Variants in GATA4 observed in about 807,000 individuals in gnomAD.
GATA4 encodes GATA binding protein 4, also known as transcription factor GATA-4.
Under a neutral mutation model 37.9 loss-of-function variants are expected in GATA4, and 7 were observed. The observed-to-expected ratio is 0.18, with a 90% CI of 0.11 to 0.35. The LOEUF is 0.35. Among genes scored for constraint, GATA4 ranks in the 10% least tolerant of loss-of-function variants. The pLI is 1.00. For missense variants in GATA4, 647 were observed against 653.0 expected, an observed-to-expected ratio of 0.99 and a Z score of 0.10; for synonymous variants, 372 against 292.6, an observed-to-expected ratio of 1.27 and a Z score of -2.77.
intron 2 of GATA4, among the ~76,000 whole-genome samples, chr8:11,741,875 T>A (rs1473322199): frequency 6.6e-6 from 1 of 152,258 alleles, no homozygotes; most frequent in Non-Finnish European, 1.5e-5. Flanking sequence ...ATTTTCCATC[T>A]GCTGCCAGCT....
chr8:11,702,754 G>T (rs1329549317), upstream of GATA4, among the ~76,000 whole-genome samples: 7 of 152,260 alleles, frequency 4.6e-5, no homozygotes, highest in African/African-American at 1.7e-4. This position sits in a 1 kb window ranked among gnomAD's most constrained non-coding sequence, Gnocchi z 4.4. Context: ...GTCTAGAGGG[G>T]CGGCTGCCGT....
intron 2 of GATA4, among the ~76,000 whole-genome samples, chr8:11,747,971 C>G (rs1010237526): frequency 8.2e-4 from 125 of 152,264 alleles, no homozygotes; most frequent in African/African-American, 3.0e-3. Context: ...GTGTGGTGTA[C>G]TCACCCAGTA....
At chr8:11,739,434 C>T (rs1421712834) in intron 2 of GATA4, among the ~76,000 whole-genome samples, 1 of 147,298 alleles carries the variant, frequency 6.8e-6, no homozygotes, top group South Asian at 2.5e-4. Flanking sequence ...TTATTGCTAG[C>T]AAGAGTGGGC....
rs1264453612 is a variant in GATA4, at chr8:11,709,202, C to A, written c.616+274C>A. Among the ~76,000 whole-genome samples the A allele has an allele frequency of 6.6e-6, 1 of 152,216 alleles. No individual in the cohort carries two copies. The highest frequency in any genetic ancestry group is 2.4e-5 in the African/African-American group (1 of 41,464). ...AGTGCGGCCTCCCCGCCATCCCAGA[C>A]ATCGACCGTGGCCGCGCTGCGCTGT... On this transcript the variant is annotated intron_variant, in intron 2 of 6. Coordinates refer to ENST00000532059, the MANE Select transcript of GATA4 (RefSeq NM_001308093.3). The surrounding 1 kb of genome is among the most constrained non-coding windows in gnomAD (Gnocchi z 4.3).
intron 2 of GATA4, among the ~76,000 whole-genome samples, chr8:11,743,892 A>G: frequency 6.6e-6 from 1 of 152,344 alleles, no homozygotes; most frequent in Non-Finnish European, 1.5e-5. Flanking sequence ...CTTTAAAAAA[A>G]ACTTTTTTTA....
intron 2 of GATA4, among the ~76,000 whole-genome samples, chr8:11,712,240 C>T (rs1800217988): frequency 6.6e-6 from 1 of 152,166 alleles, no homozygotes; most frequent in Admixed American, 6.5e-5. Flanking sequence ...AGGGTTTTCC[C>T]AGAATGTGGG....
At chr8:11,712,556 AG>A (rs1373300448) in intron 2 of GATA4, among the ~76,000 whole-genome samples, 1 of 152,090 alleles carries the variant, frequency 6.6e-6, no homozygotes, top group Non-Finnish European at 1.5e-5. Context: ...AGGAAAAAAA[AG>A]AAAGACAAAG....
Position 11,708,254 on chromosome 8 carries a change from G to T in GATA4, c.-59G>T. On this transcript the variant is annotated 5_prime_UTR_variant, in exon 2 of 7. Transcript: ENST00000532059. The surrounding 1 kb of genome is among the most constrained non-coding windows in gnomAD (Gnocchi z 6.7). ...TGTTGCCGTCGTTTTCTCTCCCCGC[G>T]TGGCTCCTTGACCTGCGAGGGAGAG... 14 of 1,535,860 alleles carry T rather than the reference G, an allele frequency of 9.1e-6. No individual in the cohort carries two copies. The highest frequency in any genetic ancestry group is 1.2e-5 in the Non-Finnish European group (14 of 1,144,428).
At chr8:11,699,609 C>T (rs1162361104), upstream of GATA4, among the ~76,000 whole-genome samples, 3 of 152,238 alleles carry the variant, frequency 2.0e-5, no homozygotes, top group East Asian at 1.9e-4. Context: ...GCGGCGCCTG[C>T]GTGGCCACTG....
intron 2 of GATA4, among the ~76,000 whole-genome samples, chr8:11,728,139 T>C (rs1455183022): frequency 1.3e-5 from 2 of 151,986 alleles, no homozygotes; most frequent in East Asian, 3.9e-4. Flanking sequence ...TACAGGCGCC[T>C]ACCACCACAC....
At chr8:11,678,240 C>T (rs893144967) in intron 1 of GATA4, among the ~76,000 whole-genome samples, 1 of 152,048 alleles carries the variant, frequency 6.6e-6, no homozygotes, top group Non-Finnish European at 1.5e-5. Flanking sequence ...AGCAAGCGCT[C>T]TTCTGGAATT....
At chr8:11,702,482 G>A (rs887423072), upstream of GATA4, among the ~76,000 whole-genome samples, 5 of 151,650 alleles carry the variant, frequency 3.3e-5, no homozygotes, top group African/African-American at 1.2e-4. The surrounding 1 kb of genome is among the most constrained non-coding windows in gnomAD (Gnocchi z 4.4). Context: ...CCCCCACGAA[G>A]ATGATTGCCG....
chr8:11,750,259 C>G, intron 4 of GATA4, 23 bp downstream of exon 4: 1 of 1,610,690 alleles, frequency 6.2e-7, no homozygotes, highest in Non-Finnish European at 8.5e-7. Context: ...TGCGCCCATG[C>G]GGCATCCTTG....
upstream of GATA4, among the ~76,000 whole-genome samples, chr8:11,699,985 C>A (rs1019904718): frequency 1.1e-4 from 17 of 152,164 alleles, no homozygotes; most frequent in African/African-American, 3.9e-4. Context: ...AACTAAGATT[C>A]AGGAATCCAG....
chr8:11,745,312 G>T (rs1161155315), intron 2 of GATA4, among the ~76,000 whole-genome samples: 1 of 149,186 alleles, frequency 6.7e-6, no homozygotes, highest in African/African-American at 2.5e-5. Flanking sequence ...GGTGGCTCAC[G>T]CCCATAATCC....
chr8:11,711,630 A>G (rs542995230), intron 2 of GATA4, among the ~76,000 whole-genome samples: 1 of 152,126 alleles, frequency 6.6e-6, no homozygotes, highest in African/African-American at 2.4e-5. Context: ...ATTTTAAAAA[A>G]TTAGCCAGGC....
intron 5 of GATA4, chr8:11,756,664 A>G (rs1411765169): frequency 9.3e-6 from 5 of 539,068 alleles, no homozygotes; most frequent in Non-Finnish European, 1.7e-5. Context: ...ATTTTTAAAA[A>G]TGTGAATCTT....
intron 1 of GATA4, among the ~76,000 whole-genome samples, chr8:11,705,186 C>G (rs1158518617): frequency 6.6e-6 from 1 of 152,188 alleles, no homozygotes; most frequent in East Asian, 1.9e-4. Context: ...CGGCCCGCAC[C>G]GTGGAGGTTG....
chr8:11,693,548 CACACACACACACACAGAGAGAG>C (rs1563190380), intron 1 of GATA4, among the ~76,000 whole-genome samples: 7 of 115,926 alleles, frequency 6.0e-5, no homozygotes, highest in Non-Finnish European at 8.8e-5. Context: ...CACACACACA[CACACACACACACACAGAGAGAG>C]AGAGAGAGAG....
Sources: gnomAD v4.1 joint callset for allele counts (sites outside exome capture counted in the v4.1 genomes callset) on GRCh38, gnomAD v4.1.1 for gene constraint, Gnocchi (gnomAD v3.1) non-coding constraint, MANE v1.5 for transcripts, NCBI Gene and HGNC (gene_info 2026-07-23, HGNC 2026-07-21) for gene names.